CTNNA2: variants seen among roughly 807,000 people sequenced by gnomAD.
The protein encoded by CTNNA2 is catenin alpha 2.
Under a neutral mutation model 101.0 loss-of-function variants are expected in CTNNA2, and 42 were observed. That is an observed-to-expected ratio of 0.42 (90% CI 0.32 to 0.54). CTNNA2 has a LOEUF of 0.54. CTNNA2 is among the 20% of genes least tolerant of loss of function. The probability of loss-of-function intolerance (pLI) is 0.14; values close to 1 mark genes in which losing one functional copy is unlikely to be tolerated. For synonymous variants in CTNNA2, 450 were observed against 456.4 expected, an observed-to-expected ratio of 0.99 and a Z score of 0.18; for missense variants, 871 against 1,223.1, an observed-to-expected ratio of 0.71 and a Z score of 4.29.
chr2:79,607,475 A>G (rs1053745435), intron 1 of CTNNA2, among the ~76,000 whole-genome samples: 1 of 152,164 alleles, frequency 6.6e-6, no homozygotes, highest in African/African-American at 2.4e-5. Context: ...ACAAACAGGT[A>G]ATTTTCCAAG....
chr2:79,350,425 G>A (rs1677361383), intron 3 of CTNNA2, among the ~76,000 whole-genome samples: 1 of 152,076 alleles, frequency 6.6e-6, no homozygotes, highest in Non-Finnish European at 1.5e-5. Context: ...TTAGGATAAT[G>A]GCCTCCAGCT....
intron 7 of CTNNA2, among the ~76,000 whole-genome samples, chr2:80,020,526 A>G (rs1388888280): frequency 2.6e-5 from 4 of 152,216 alleles, no homozygotes; most frequent in Non-Finnish European, 4.4e-5. Flanking sequence ...GATCATGATT[A>G]TCAAGCTCAC....
chr2:80,339,055 G>A (rs1489646807), intron 7 of CTNNA2, among the ~76,000 whole-genome samples: 11 of 152,114 alleles, frequency 7.2e-5, no homozygotes. Context: ...CTCTCTATTG[G>A]CCAGTAGCTG....
chr2:80,586,855 A>C (rs150258540), intron 14 of CTNNA2, among the ~76,000 whole-genome samples: 3 of 152,212 alleles, frequency 2.0e-5, no homozygotes, highest in Non-Finnish European at 4.4e-5. Context: ...GGAAGTCAGT[A>C]GATGTGGCTA....
At chr2:80,639,347 T>C (rs942201699) in intron 18 of CTNNA2, among the ~76,000 whole-genome samples, 2 of 152,094 alleles carry the variant, frequency 1.3e-5, no homozygotes, top group Non-Finnish European at 2.9e-5. Flanking sequence ...GTAGTTGGGA[T>C]TACAGGCACC....
intron 1 of CTNNA2, among the ~76,000 whole-genome samples, chr2:79,628,448 C>CA (rs113543784): frequency 0.023 from 2,746 of 120,938 alleles, 44 homozygotes; most frequent in East Asian, 0.057. Context: ...ATGAGACTGT[C>CA]AAAAAAAAAA....
intron 7 of CTNNA2, among the ~76,000 whole-genome samples, chr2:80,067,843 A>G (rs918211276): frequency 1.3e-5 from 2 of 152,142 alleles, no homozygotes; most frequent in Non-Finnish European, 2.9e-5. Flanking sequence ...GCCTCTTGTC[A>G]ACAGCAAGTA....
chr2:80,617,876 T>G (rs1698985646), intron 17 of CTNNA2, among the ~76,000 whole-genome samples: 1 of 152,028 alleles, frequency 6.6e-6, no homozygotes, highest in Admixed American at 6.6e-5. Flanking sequence ...GGCTTTGGTT[T>G]TTAGCCATTT....
chr2:80,520,398 G>T (rs1348511789), intron 9 of CTNNA2, among the ~76,000 whole-genome samples: 1 of 152,120 alleles, frequency 6.6e-6, no homozygotes, highest in East Asian at 1.9e-4. Context: ...CAGAGAAATA[G>T]GGTTTACTTC....
chr2:80,409,562 A>G (rs1679377202), intron 8 of CTNNA2, among the ~76,000 whole-genome samples: 1 of 152,172 alleles, frequency 6.6e-6, no homozygotes. Context: ...TCCCTGGCCA[A>G]AAACAGTGCT....
chr2:80,550,146 CTT>C (rs1369980636), intron 11 of CTNNA2, among the ~76,000 whole-genome samples: 1 of 152,148 alleles, frequency 6.6e-6, no homozygotes, highest in Non-Finnish European at 1.5e-5. Context: ...TCATACAAAT[CTT>C]TTTTGATTCC....
intron 1 of CTNNA2, among the ~76,000 whole-genome samples, chr2:79,539,375 T>C (rs1558711443): frequency 6.6e-6 from 1 of 152,120 alleles, no homozygotes; most frequent in Non-Finnish European, 1.5e-5. Context: ...ATGCTGGAGG[T>C]GATAGAAGGT....
intron 2 of CTNNA2, among the ~76,000 whole-genome samples, chr2:79,256,520 C>G (rs184725398): frequency 4.6e-5 from 7 of 152,260 alleles, no homozygotes; most frequent in African/African-American, 1.4e-4. Flanking sequence ...GATTATGACA[C>G]CAGCATCAGA....
intron 2 of CTNNA2, among the ~76,000 whole-genome samples, chr2:79,680,514 G>A (rs1393608741): frequency 6.6e-6 from 1 of 152,110 alleles, no homozygotes; most frequent in Admixed American, 6.5e-5. Context: ...TAAAATGAAG[G>A]CTTTTCCTTG....
intron 7 of CTNNA2, among the ~76,000 whole-genome samples, chr2:80,181,718 C>T: frequency 6.6e-6 from 1 of 152,184 alleles, no homozygotes; most frequent in East Asian, 1.9e-4. Context: ...CCTTGGTTCT[C>T]CACGTATGGT....
At chr2:80,189,680 C>T (rs145097346) in intron 7 of CTNNA2, among the ~76,000 whole-genome samples, 7 of 152,128 alleles carry the variant, frequency 4.6e-5, no homozygotes, top group African/African-American at 1.7e-4. Flanking sequence ...ATGCCTGGGC[C>T]GCCTATGTGG....
intron 4 of CTNNA2, among the ~76,000 whole-genome samples, chr2:79,416,782 C>A (rs1364645279): frequency 6.6e-6 from 1 of 151,956 alleles, no homozygotes; most frequent in African/African-American, 2.4e-5. Flanking sequence ...TTTCTACATC[C>A]ATGCCTAGGG....
intron 7 of CTNNA2, among the ~76,000 whole-genome samples, chr2:80,065,524 C>T (rs1235943035): frequency 6.6e-6 from 1 of 151,862 alleles, no homozygotes; most frequent in Non-Finnish European, 1.5e-5. Context: ...TAGCTAATTT[C>T]TGTATTTTCA....
At chr2:79,373,114 A>G (rs1677909532) in intron 3 of CTNNA2, among the ~76,000 whole-genome samples, 1 of 152,252 alleles carries the variant, frequency 6.6e-6, no homozygotes, top group Non-Finnish European at 1.5e-5. Context: ...TGCGTTGTGA[A>G]TTAGAATAGC....
Sources: allele counts gnomAD v4.1 joint callset (sites outside exome capture counted in the v4.1 genomes callset), GRCh38; gene constraint gnomAD v4.1.1; transcripts MANE v1.5; gene names NCBI Gene and HGNC (gene_info 2026-07-23, HGNC 2026-07-21).